Variants in DPP6 observed in about 807,000 individuals in gnomAD.
The protein encoded by DPP6 is dipeptidyl peptidase like 6, also known as A-type potassium channel modulatory protein DPP6.
Under a neutral mutation model 122.6 loss-of-function variants are expected in DPP6, and 69 were observed. That is an observed-to-expected ratio of 0.56 (90% CI 0.46 to 0.69). DPP6 has a LOEUF of 0.69. Ranked by LOEUF, DPP6 falls within the 30% of genes least tolerant of loss-of-function variation. The probability of loss-of-function intolerance (pLI) is 0.00; values close to 1 mark genes in which losing one functional copy is unlikely to be tolerated. For missense variants in DPP6, 928 were observed against 1,116.9 expected, an observed-to-expected ratio of 0.83 and a Z score of 2.41; for synonymous variants, 418 against 433.1, an observed-to-expected ratio of 0.97 and a Z score of 0.43.
intron 1 of DPP6, among the ~76,000 whole-genome samples, chr7:153,937,370 C>T (rs915880251): frequency 6.6e-6 from 1 of 150,990 alleles, no homozygotes; most frequent in Non-Finnish European, 1.5e-5. Flanking sequence ...AGCTCATCAT[C>T]ATTGAAGAAA....
At position 154,804,235 on chromosome 7, in the gene DPP6, G is replaced by A. The variant is rs142621265; in HGVS notation, c.1499+280G>A. ...CAGTAGTAGGGGTAGTACTGATGTT[G>A]ATTGAGTTTTTACTAGTCCAGGCTC... On this transcript the variant is annotated intron_variant, in intron 14 of 25. Coordinates refer to ENST00000377770, the MANE Select transcript of DPP6 (RefSeq NM_130797.4). Among the ~76,000 whole-genome samples, 144 of 152,364 alleles carry A rather than the reference G, an allele frequency of 9.5e-4. 1 individual carries two copies. In the Middle Eastern group the frequency reaches 0.02, roughly 22 times the overall value.
At chr7:154,198,278 G>C (rs1798973334) in intron 1 of DPP6, among the ~76,000 whole-genome samples, 1 of 151,762 alleles carries the variant, frequency 6.6e-6, no homozygotes, top group African/African-American at 2.4e-5. Flanking sequence ...ACTGGACAAA[G>C]GGGCCCTCAG....
intron 1 of DPP6, among the ~76,000 whole-genome samples, chr7:154,198,376 A>ACGCAC (rs1400595943): frequency 4.0e-5 from 6 of 151,770 alleles, no homozygotes; most frequent in African/African-American, 1.5e-4. Flanking sequence ...CAGTGGCGTG[A>ACGCAC]TCTCTACTCA....
chr7:154,729,476 T>A (rs1842229967), intron 8 of DPP6, among the ~76,000 whole-genome samples: 1 of 152,104 alleles, frequency 6.6e-6, no homozygotes, highest in Non-Finnish European at 1.5e-5. Context: ...TAAATGGAGG[T>A]ATAATTTGTA....
intron 16 of DPP6, among the ~76,000 whole-genome samples, chr7:154,812,392 T>C (rs751565569): frequency 6.6e-6 from 1 of 152,228 alleles, no homozygotes; most frequent in Non-Finnish European, 1.5e-5. Flanking sequence ...TGGGCTGCTA[T>C]AGTGAAGTTC....
At chr7:154,536,640 C>T (rs190617033) in intron 3 of DPP6, among the ~76,000 whole-genome samples, 54 of 152,192 alleles carry the variant, frequency 3.5e-4, no homozygotes, top group Admixed American at 1.7e-3. Context: ...AACACCAAAC[C>T]CTTCGTGAAG....
chr7:154,823,658 C>T (rs564747481), intron 16 of DPP6, among the ~76,000 whole-genome samples: 2 of 152,312 alleles, frequency 1.3e-5, no homozygotes, highest in Admixed American at 6.5e-5. Context: ...GCCAAACTCT[C>T]GTCCCAGGAG....
intron 5 of DPP6, among the ~76,000 whole-genome samples, chr7:154,574,776 CAT>C (rs1491546571): frequency 1.4e-3 from 102 of 71,388 alleles, no homozygotes; most frequent in African/African-American, 5.5e-3. Context: ...GTGTGTGGTG[CAT>C]ATGTGTGTGT....
At chr7:153,928,767 A>G (rs1801040578) in intron 1 of DPP6, among the ~76,000 whole-genome samples, 1 of 152,094 alleles carries the variant, frequency 6.6e-6, no homozygotes, top group East Asian at 1.9e-4. Flanking sequence ...GCACCATAGC[A>G]GACTTACATT....
At chr7:154,181,946 G>T (rs1036463880) in intron 1 of DPP6, among the ~76,000 whole-genome samples, 1 of 151,816 alleles carries the variant, frequency 6.6e-6, no homozygotes, top group Non-Finnish European at 1.5e-5. Flanking sequence ...ACGGGGTTTG[G>T]TTTCACCATG....
rs144470389 is a variant in DPP6 at position 154,760,512 on chromosome 7, G to A, written c.884-8905G>A. Among the ~76,000 whole-genome samples the A allele has an allele frequency of 3.2e-3, 494 of 152,252 alleles. 1 individual carries two copies. Among genetic ancestry groups the A allele is most frequent in the Middle Eastern group, 0.027 (8 of 294 alleles). On this transcript the variant is annotated intron_variant, in intron 8 of 25. Coordinates refer to ENST00000377770, the MANE Select transcript of DPP6 (RefSeq NM_130797.4). The surrounding 1 kb of genome is among the most constrained non-coding windows in gnomAD (Gnocchi z 4.5). Reference sequence around the variant, plus strand: ...TTTCTATTCTTGTCTGCCATTCTGCGAGCTCAAGAACTTCTGTTAGCCATT... The same window carrying A: ...TTTCTATTCTTGTCTGCCATTCTGCAAGCTCAAGAACTTCTGTTAGCCATT...
chr7:154,716,799 G>A (rs1349402513), intron 7 of DPP6, among the ~76,000 whole-genome samples: 1 of 149,496 alleles, frequency 6.7e-6, no homozygotes, highest in East Asian at 1.9e-4. Context: ...CTTATTTAAT[G>A]TGGTACAGTG....
At chr7:154,451,120 T>C (rs571185816) in intron 2 of DPP6, among the ~76,000 whole-genome samples, 2 of 151,934 alleles carry the variant, frequency 1.3e-5, no homozygotes, top group African/African-American at 2.4e-5. Context: ...CCCAGCACTT[T>C]AGGAGGGCGA....
chr7:154,730,459 C>G (rs1271961450), intron 8 of DPP6, among the ~76,000 whole-genome samples: 1 of 152,142 alleles, frequency 6.6e-6, no homozygotes, highest in Non-Finnish European at 1.5e-5. Flanking sequence ...GGAATACGTG[C>G]AGCACATGAC....
chr7:154,828,517 G>A (rs1800368820), intron 16 of DPP6, among the ~76,000 whole-genome samples: 1 of 152,192 alleles, frequency 6.6e-6, no homozygotes, highest in Admixed American at 6.5e-5. Flanking sequence ...AAGAAAATGA[G>A]AAGCCAGATA....
In DPP6 at chr7:154,760,127, CA is replaced by C. The variant is rs201816589; in HGVS notation, c.884-9282del. ...GACAGAGCGAGATTCTGTCTCAAAA[CA>C]AAAAAAAGTCTATTCCCAAGGAGAC... On this transcript the variant is annotated intron_variant, in intron 8 of 25. Coordinates refer to ENST00000377770, the MANE Select transcript of DPP6 (RefSeq NM_130797.4). The surrounding 1 kb of genome is among the most constrained non-coding windows in gnomAD (Gnocchi z 4.5). Among the ~76,000 whole-genome samples the C allele has an allele frequency of 6.6e-6, 1 of 151,552 alleles. No individual in the cohort carries two copies. The highest frequency in any genetic ancestry group is 1.5e-5 in the Non-Finnish European group (1 of 67,832).
chr7:154,462,449 G>T (rs2151319832), intron 2 of DPP6, among the ~76,000 whole-genome samples: 1 of 152,214 alleles, frequency 6.6e-6, no homozygotes, highest in South Asian at 2.1e-4. Flanking sequence ...GACTGCTTTA[G>T]ATAGTATGGA....
chr7:153,892,841 C>A (rs1395212360), intron 1 of DPP6, among the ~76,000 whole-genome samples: 1 of 152,130 alleles, frequency 6.6e-6, no homozygotes, highest in Non-Finnish European at 1.5e-5. Context: ...CCATGTGTCC[C>A]AGTGGTGTGA....
intron 16 of DPP6, among the ~76,000 whole-genome samples, chr7:154,822,579 C>T (rs998864072): frequency 3.3e-5 from 5 of 152,094 alleles, no homozygotes; most frequent in Admixed American, 2.6e-4. Flanking sequence ...TGCCAGATTG[C>T]GATATTCACT....
Sources: allele counts gnomAD v4.1 joint callset (sites outside exome capture counted in the v4.1 genomes callset), GRCh38; gene constraint gnomAD v4.1.1; non-coding constraint Gnocchi (gnomAD v3.1); transcripts MANE v1.5; gene names NCBI Gene and HGNC (gene_info 2026-07-23, HGNC 2026-07-21).